Variants in CHL1 observed in about 807,000 individuals in gnomAD.
CHL1 encodes cell adhesion molecule L1 like, also known as neural cell adhesion molecule L1-like protein.
CHL1 carries 96 observed loss-of-function variants against 141.9 expected under a neutral mutation model. The ratio of observed to expected loss-of-function variants is 0.68; its 90% CI spans 0.57 to 0.80. CHL1 has a LOEUF of 0.80. CHL1 is among the 30% of genes least tolerant of loss of function. CHL1 has a pLI of 0.00. For synonymous variants in CHL1, 613 were observed against 502.2 expected, an observed-to-expected ratio of 1.22 and a Z score of -2.95; for missense variants, 1,820 against 1,457.2, an observed-to-expected ratio of 1.25 and a Z score of -4.05.
chr3:369,132 G>A (rs547265069), intron 15 of CHL1, among the ~76,000 whole-genome samples: 1 of 152,158 alleles, frequency 6.6e-6, no homozygotes, highest in African/African-American at 2.4e-5. Context: ...ATTCTGTGTA[G>A]AATGTCAATG....
intron 27 of CHL1, among the ~76,000 whole-genome samples, chr3:403,702 C>A (rs1003852701): frequency 6.6e-5 from 10 of 152,144 alleles, no homozygotes; most frequent in African/African-American, 2.4e-4. Flanking sequence ...TAGCTAACAT[C>A]TTCCTGTGCA....
At chr3:257,344 T>TC (rs1317929500) in intron 2 of CHL1, among the ~76,000 whole-genome samples, 39 of 150,062 alleles carry the variant, frequency 2.6e-4, no homozygotes, top group African/African-American at 9.0e-4. Context: ...CTTTTCTTCT[T>TC]TTCTTCTTCT....
At chr3:355,349 C>G (rs755446350) in intron 11 of CHL1, among the ~76,000 whole-genome samples, 1 of 152,128 alleles carries the variant, frequency 6.6e-6, no homozygotes, top group African/African-American at 2.4e-5. Flanking sequence ...TCCCCATGCC[C>G]GGTCCACCCT....
At chr3:221,686 C>G (rs147750320) in intron 1 of CHL1, among the ~76,000 whole-genome samples, 124 of 152,276 alleles carry the variant, frequency 8.1e-4, no homozygotes, top group African/African-American at 2.8e-3. Context: ...TTCATGTAAT[C>G]CTTCCAATGT....
In CHL1 at chr3:389,527, T is replaced by C. The variant is rs150660234; in HGVS notation, c.2470+53T>C. 7.0e-4 allele frequency: 944 copies of C among 1,340,234 alleles called. 11 individuals carry two copies. The African/African-American group carries it at 0.012, about 17-fold the overall frequency. 83.0% of individuals were successfully genotyped at this position (1,340,234 alleles called of 1,614,324 possible). ...CACGTCAGTAACTGTTGCTTTCAAA[T>C]ATATTGTACTTCAATCAACAAATAT... On this transcript the variant is annotated intron_variant, in intron 20 of 27. Coordinates refer to ENST00000256509, the MANE Select transcript of CHL1 (RefSeq NM_006614.4).
intron 3 of CHL1, among the ~76,000 whole-genome samples, chr3:323,696 G>A (rs904962868): frequency 6.6e-6 from 1 of 152,082 alleles, no homozygotes; most frequent in African/African-American, 2.4e-5. Flanking sequence ...TGCAGAAGCA[G>A]ATAAAAGAAT....
At chr3:205,840 A>G (rs534258354) in intron 1 of CHL1, among the ~76,000 whole-genome samples, 61 of 152,314 alleles carry the variant, frequency 4.0e-4, no homozygotes, top group African/African-American at 1.4e-3. Flanking sequence ...CACATCAGTG[A>G]TTTGAGGAAA....
intron 11 of CHL1, among the ~76,000 whole-genome samples, chr3:358,254 C>T (rs1703891746): frequency 6.6e-6 from 1 of 152,152 alleles, no homozygotes; most frequent in Non-Finnish European, 1.5e-5. Context: ...GCCCACATTC[C>T]TGGCTCCCTT....
At chr3:279,078 T>C (rs530426598) in intron 2 of CHL1, among the ~76,000 whole-genome samples, 2 of 152,324 alleles carry the variant, frequency 1.3e-5, no homozygotes, top group South Asian at 2.1e-4. Flanking sequence ...ATGCCGGATA[T>C]TCAGTGTCTT....
rs577572828 is a variant in CHL1, at chr3:225,772, G to T, written c.-174-18841G>T. 3.3e-5 allele frequency among the ~76,000 whole-genome samples: 5 copies of T among 152,264 alleles called. No individual in the cohort carries two copies. The East Asian group carries it at 9.8e-4, about 30-fold the overall frequency. ...CGCCTGTAATCCCAGCACTTTGGGA[G>T]GCTGAGGTGGGCAGATCACGAGGTC... On this transcript the variant is annotated intron_variant, in intron 1 of 27. Coordinates refer to ENST00000256509, the MANE Select transcript of CHL1 (RefSeq NM_006614.4).
At chr3:318,196 C>T (rs929535967) in intron 2 of CHL1, among the ~76,000 whole-genome samples, 2 of 151,820 alleles carry the variant, frequency 1.3e-5, no homozygotes, top group African/African-American at 4.8e-5. Flanking sequence ...TGTGAAACAA[C>T]AGCCATTAGT....
intron 1 of CHL1, among the ~76,000 whole-genome samples, chr3:214,477 G>C (rs1278598288): frequency 6.6e-6 from 1 of 152,132 alleles, no homozygotes; most frequent in African/African-American, 2.4e-5. Context: ...TTTTTTAAGA[G>C]ACATCAGTGT....
At chr3:226,977 G>C (rs909482696) in intron 1 of CHL1, among the ~76,000 whole-genome samples, 3 of 152,114 alleles carry the variant, frequency 2.0e-5, no homozygotes, top group African/African-American at 7.2e-5. Context: ...GAAATGCATG[G>C]CAGATTAATT....
intron 2 of CHL1, among the ~76,000 whole-genome samples, chr3:278,739 T>C (rs116173653): frequency 0.016 from 2,496 of 152,360 alleles, 83 homozygotes; most frequent in African/African-American, 0.057. Context: ...AGTGTCCTTG[T>C]AGAAGTACAC....
rs992592218 is a variant in CHL1 at position 407,124 on chromosome 3, T to C, written c.*1413T>C. On this transcript the variant is annotated 3_prime_UTR_variant, in exon 28 of 28. Transcript: ENST00000256509. ...GTTTTAGAAACAATATGGAGGATGA[T>C]GCATACATGTCGGTCAAGTTCAGCG... 1.1e-4 allele frequency: 17 copies of C among 152,140 alleles called. No individual in the cohort carries two copies. The highest frequency in any genetic ancestry group is 2.4e-4 in the African/African-American group (10 of 41,452). 9.4% of individuals were successfully genotyped at this position (152,140 alleles called of 1,614,324 possible).
chr3:246,650 C>T (rs1471139355), intron 2 of CHL1: 2 of 152,078 alleles, frequency 1.3e-5, no homozygotes, highest in Admixed American at 1.3e-4. Context: ...TCTTCAAGCT[C>T]TGATTAGATT....
chr3:250,947 G>A lies in CHL1; in HGVS notation c.-95+6255G>A. On this transcript the variant is annotated intron_variant, in intron 2 of 27. Coordinates refer to ENST00000256509, the MANE Select transcript of CHL1 (RefSeq NM_006614.4). ...TTTGTGTGGCTGTTAAGAGCCACAG[G>A]GTTGAAGATACAGTCGCAAAGAGAG... Among the ~76,000 whole-genome samples, 2 of 152,044 alleles carry A rather than the reference G, an allele frequency of 1.3e-5. 1 individual carries two copies. Among genetic ancestry groups the A allele is most frequent in the Middle Eastern group, 6.8e-3 (2 of 294 alleles).
At chr3:252,722 G>C (rs936967592) in intron 2 of CHL1, among the ~76,000 whole-genome samples, 6 of 151,884 alleles carry the variant, frequency 4.0e-5, no homozygotes, top group South Asian at 2.1e-4. Context: ...AATTAAATCT[G>C]GTTAAATGTC....
Position 406,703 on chromosome 3 carries a change from T to G in CHL1, c.*992T>G, listed in dbSNP as rs1709553588. The stretch of plus-strand genomic sequence containing the variant: ...AACAGGCATGTTTGTACAGCTAGAA[T>G]ATATTAGTAAGATACTGTTTTTCGT... On this transcript the variant is annotated 3_prime_UTR_variant, in exon 28 of 28. Coordinates refer to ENST00000256509, the MANE Select transcript of CHL1 (RefSeq NM_006614.4). 6.6e-6 allele frequency: 1 copy of G among 152,144 alleles called. No homozygotes were observed. Among genetic ancestry groups the G allele is most frequent in the Admixed American group, 6.6e-5 (1 of 15,256 alleles). 9.4% of individuals were successfully genotyped at this position (152,144 alleles called of 1,614,324 possible). A position where few individuals can be genotyped will look rare whatever the true frequency, so the allele number is the denominator to read the frequency against.
Sources: gnomAD v4.1 joint callset for allele counts (sites outside exome capture counted in the v4.1 genomes callset) on GRCh38, gnomAD v4.1.1 for gene constraint, MANE v1.5 for transcripts, NCBI Gene and HGNC (gene_info 2026-07-23, HGNC 2026-07-21) for gene names.